ZFAND1: variants seen among roughly 807,000 people sequenced by gnomAD.
ZFAND1 encodes the protein AN1-type zinc finger protein 1.
In ZFAND1, 40 loss-of-function variants were observed where a neutral mutation model predicts 38.5. The observed-to-expected ratio is 1.04, with a 90% CI of 0.81 to 1.35. The LOEUF (loss-of-function observed/expected upper bound fraction) is 1.35, where lower values mean the gene tolerates loss of function less well. ZFAND1 is among the 40% of genes most tolerant of loss of function. ZFAND1 has a pLI of 0.00. For synonymous variants in ZFAND1, 117 were observed against 103.6 expected, an observed-to-expected ratio of 1.13 and a Z score of -0.78; for missense variants, 346 against 316.3, an observed-to-expected ratio of 1.09 and a Z score of -0.71.
At chr8:81,717,736 T>G (rs1384396540) in intron 2 of ZFAND1, among the ~76,000 whole-genome samples, 1 of 152,124 alleles carries the variant, frequency 6.6e-6, no homozygotes, top group Non-Finnish European at 1.5e-5. Context: ...GCTTGACATT[T>G]TAAAGTTTAA....
At chr8:81,715,157 A>G in intron 3 of ZFAND1, 43 bp from the exon 4 acceptor site, 2 of 1,601,894 alleles carry the variant, frequency 1.2e-6, no homozygotes, top group Non-Finnish European at 1.7e-6. Flanking sequence ...TTTCAGACCT[A>G]AAACAAATCA....
At chr8:81,708,014 T>C (rs1479462684) in intron 6 of ZFAND1, among the ~76,000 whole-genome samples, 1 of 152,068 alleles carries the variant, frequency 6.6e-6, no homozygotes, top group Non-Finnish European at 1.5e-5. Flanking sequence ...CTTGGGAGGC[T>C]GAGGCAGGTG....
chr8:81,709,154 C>T (rs1375046971), intron 6 of ZFAND1, among the ~76,000 whole-genome samples: 2 of 152,102 alleles, frequency 1.3e-5, no homozygotes, highest in Non-Finnish European at 2.9e-5. Flanking sequence ...CCACAGTACA[C>T]CCACACCACA....
Position 81,715,050 on chromosome 8 carries a change from T to C in ZFAND1, c.203A>G (p.Asp68Gly). The stretch of plus-strand genomic sequence containing the variant: ...TGCCACAAGTTCTCTCTCAGCACAG[T>C]CTTTGAAAGAGCATGGGTAAGATGT... ...QHTSYPCSFK[D>G]CAERELVAVI... The change falls in exon 4 of 8, where the codon GAC (aspartate) becomes GGC (glycine). Residue 68 changes from aspartate (D) to glycine (G), a missense_variant. By Grantham distance (94) the Asp-to-Gly change is moderately conservative. Transcript: ENST00000220669. 6.2e-7 allele frequency: 1 copy of C among 1,614,110 alleles called. No individual in the cohort carries two copies.
chr8:81,718,226 T>A lies in ZFAND1; in HGVS notation c.56-2A>T. 1.9e-6 allele frequency: 3 copies of A among 1,571,618 alleles called. No individual in the cohort carries two copies. The highest frequency in any genetic ancestry group is 2.6e-6 in the Non-Finnish European group (3 of 1,158,472). On this transcript the variant is annotated splice_acceptor_variant, in intron 1 of 7. Transcript: ENST00000220669. LOFTEE classifies it high-confidence loss of function. ...CATCACACACAAATGGAAGAAAATC[T>A]AAAATTGAGAGAAAATGTATATACT... is the stretch of plus-strand genomic sequence containing the variant.
intron 6 of ZFAND1, among the ~76,000 whole-genome samples, chr8:81,712,896 T>C (rs113293307): frequency 0.026 from 3,880 of 152,136 alleles, 161 homozygotes; most frequent in African/African-American, 0.09. Context: ...AAAATAGACA[T>C]TGTTGGAAGC....
rs35031788 is a variant in ZFAND1 at position 81,706,370 on chromosome 8, C to CAAAAAAAAAA, written c.481-3256_481-3247dup. ...CAAGTAAGCCCTAAGGAAGGAGAAACAAAAAAAAAAAAAAAAAAAAAAAAG... is the reference window on the plus strand; with the variant it reads ...CAAGTAAGCCCTAAGGAAGGAGAAACAAAAAAAAAAAAAAAAAAAAAAAAAAAAAAAAAAG... On this transcript the variant is annotated intron_variant, in intron 6 of 7. Coordinates refer to ENST00000220669, the MANE Select transcript of ZFAND1 (RefSeq NM_024699.3). 2.6e-3 allele frequency among the ~76,000 whole-genome samples: 191 copies of CAAAAAAAAAA among 72,662 alleles called. 9 individuals are homozygous for CAAAAAAAAAA. Among genetic ancestry groups the CAAAAAAAAAA allele is most frequent in the East Asian group, 0.019 (41 of 2,216 alleles). 47.7% of individuals were successfully genotyped at this position (72,662 alleles called of 152,430 possible). A position where few individuals can be genotyped will look rare whatever the true frequency, so the allele number is the denominator to read the frequency against.
At chr8:81,713,374 T>G (rs541598568) in intron 6 of ZFAND1, among the ~76,000 whole-genome samples, 1 of 152,244 alleles carries the variant, frequency 6.6e-6, no homozygotes, top group Non-Finnish European at 1.5e-5. Context: ...CCACCCATCT[T>G]GGCCTCCCAA....
At chr8:81,707,997 C>T (rs1808031483) in intron 6 of ZFAND1, among the ~76,000 whole-genome samples, 1 of 152,082 alleles carries the variant, frequency 6.6e-6, no homozygotes, top group Admixed American at 6.5e-5. Flanking sequence ...GCCTATAATC[C>T]CAGCACCTTG....
chr8:81,711,250 A>G (rs1283568145), intron 6 of ZFAND1, among the ~76,000 whole-genome samples: 3 of 152,016 alleles, frequency 2.0e-5, no homozygotes, highest in African/African-American at 7.2e-5. Context: ...CATCTCTACT[A>G]AAAATACAAA....
intron 6 of ZFAND1, among the ~76,000 whole-genome samples, chr8:81,705,741 C>CA (rs1197315121): frequency 3.3e-5 from 5 of 152,122 alleles, no homozygotes; most frequent in African/African-American, 1.2e-4. Flanking sequence ...GCCAACATGG[C>CA]AAAACCCCGT....
chr8:81,715,778 A>C (rs1808290281), intron 3 of ZFAND1, among the ~76,000 whole-genome samples: 1 of 152,184 alleles, frequency 6.6e-6, no homozygotes, highest in Non-Finnish European at 1.5e-5. Flanking sequence ...CTTTTTATAA[A>C]TAATAGTTAC....
chr8:81,703,159 A>G lies in ZFAND1; in HGVS notation c.481-35T>C, dbSNP rs150682262. The G allele has an allele frequency of 4.0e-4, 564 of 1,394,966 alleles. 1 individual carries two copies. The African/African-American group carries it at 7.2e-3, about 18-fold the overall frequency. The allele number at this position is 1,394,966 out of a possible 1,614,324, so 86.4% of individuals were successfully genotyped here. A position where few individuals can be genotyped will look rare whatever the true frequency, so the allele number is the denominator to read the frequency against. On this transcript the variant is annotated intron_variant, in intron 6 of 7. Coordinates refer to ENST00000220669, the MANE Select transcript of ZFAND1 (RefSeq NM_024699.3). ...GAAAAAGTTAAAACAACCATTACATAGACAAAATAGACATCAGTTTTTGTC... is the reference window on the plus strand; with the variant it reads ...GAAAAAGTTAAAACAACCATTACATGGACAAAATAGACATCAGTTTTTGTC...
At chr8:81,713,371 T>C (rs1366235970) in intron 6 of ZFAND1, among the ~76,000 whole-genome samples, 1 of 152,020 alleles carries the variant, frequency 6.6e-6, no homozygotes, top group Non-Finnish European at 1.5e-5. Flanking sequence ...GATCCACCCA[T>C]CTTGGCCTCC....
intron 6 of ZFAND1, among the ~76,000 whole-genome samples, chr8:81,712,365 T>C (rs1808161953): frequency 6.6e-6 from 1 of 152,132 alleles, no homozygotes; most frequent in Non-Finnish European, 1.5e-5. Context: ...TTATTCAACA[T>C]TGTTCTGAAG....
intron 1 of ZFAND1, among the ~76,000 whole-genome samples, chr8:81,719,310 AACACACACAC>A (rs71268018): frequency 1.2e-3 from 148 of 124,936 alleles, no homozygotes; most frequent in Middle Eastern, 8.2e-3. Flanking sequence ...CTCTACTGAA[AACACACACAC>A]ACACACACAC....
chr8:81,708,682 T>C, intron 6 of ZFAND1: 1 of 876,054 alleles, frequency 1.1e-6, no homozygotes, highest in South Asian at 3.5e-5. Flanking sequence ...CTGTAAAATA[T>C]TAAAAAGAAT....
At chr8:81,719,310 A>AAAACACACAC (rs547501232) in intron 1 of ZFAND1, among the ~76,000 whole-genome samples, 2 of 124,858 alleles carry the variant, frequency 1.6e-5, no homozygotes, top group Admixed American at 8.5e-5. Context: ...CTCTACTGAA[A>AAAACACACAC]ACACACACAC....
In ZFAND1 at chr8:81,713,781, G is replaced by A. The variant is rs571603463; in HGVS notation, c.480+137C>T. 4.5e-5 allele frequency: 35 copies of A among 780,636 alleles called. No individual in the cohort carries two copies. In the African/African-American group the frequency reaches 6.0e-4, roughly 13 times the overall value. 48.4% of individuals were successfully genotyped at this position (780,636 alleles called of 1,614,324 possible). On this transcript the variant is annotated intron_variant, in intron 6 of 7. Coordinates refer to ENST00000220669, the MANE Select transcript of ZFAND1 (RefSeq NM_024699.3). ...ACTCAAAAAACTTTGTATTATTTAT[G>A]CAGACATATACCATGCAACATTAAG...
Sources: gnomAD v4.1 joint callset for allele counts (sites outside exome capture counted in the v4.1 genomes callset) on GRCh38, gnomAD v4.1.1 for gene constraint, MANE v1.5 for transcripts, NCBI Gene and HGNC (gene_info 2026-07-23, HGNC 2026-07-21) for gene names.